CNTN6: variants seen among roughly 807,000 people sequenced by gnomAD.
CNTN6 encodes contactin 6, also known as contactin-6.
Under a neutral mutation model 122.8 loss-of-function variants are expected in CNTN6, and 137 were observed. That is an observed-to-expected ratio of 1.12 (90% CI 0.97 to 1.29). The LOEUF is 1.29. CNTN6 is among the 50% of genes most tolerant of loss of function. The pLI is 0.00. For missense variants in CNTN6, 1,634 were observed against 1,223.4 expected (o/e 1.34, Z -5.01); for synonymous variants, 570 against 426.0 (o/e 1.34, Z -4.16).
intron 1 of CNTN6, among the ~76,000 whole-genome samples, chr3:1,098,064 T>G (rs1251826444): frequency 2.1e-5 from 3 of 140,680 alleles, no homozygotes; most frequent in South Asian, 2.3e-4. Flanking sequence ...ACCAAGCAAT[T>G]GGACATGATC....
At chr3:1,161,593 C>G (rs1318441124) in intron 2 of CNTN6, among the ~76,000 whole-genome samples, 1 of 151,770 alleles carries the variant, frequency 6.6e-6, no homozygotes, top group Non-Finnish European at 1.5e-5. Context: ...TTTTCAGAGA[C>G]ATGGTTGTTA....
chr3:1,109,700 T>A (rs1293094915), intron 1 of CNTN6, among the ~76,000 whole-genome samples: 1 of 151,794 alleles, frequency 6.6e-6, no homozygotes, highest in Non-Finnish European at 1.5e-5. Context: ...TTTTTTATTC[T>A]TCTATTTTTA....
rs765618461 is a variant in CNTN6 at position 1,227,375 on chromosome 3, G to A, written c.183-443G>A. Among the ~76,000 whole-genome samples, 9 of 152,244 alleles carry A rather than the reference G, an allele frequency of 5.9e-5. No homozygotes were observed. In the South Asian group the frequency reaches 8.3e-4, roughly 14 times the overall value. On this transcript the variant is annotated intron_variant, in intron 3 of 22. Transcript: ENST00000446702. ...GTTTTGTTATCAGCCCTGAATTGGC[G>A]TTGTAAAATTATGCTTGCCGCTTTC...
At chr3:1,232,650 G>A (rs554711420) in intron 4 of CNTN6, among the ~76,000 whole-genome samples, 8 of 152,290 alleles carry the variant, frequency 5.3e-5, no homozygotes, top group East Asian at 3.9e-4. Context: ...ATCACACACC[G>A]TATGTGGGAG....
At chr3:1,231,285 T>C (rs532916463) in intron 4 of CNTN6, among the ~76,000 whole-genome samples, 31 of 152,192 alleles carry the variant, frequency 2.0e-4, no homozygotes, top group Non-Finnish European at 4.0e-4. Context: ...CTCCCATAGA[T>C]AAGAACAAGC....
intron 17 of CNTN6, among the ~76,000 whole-genome samples, chr3:1,378,949 T>C (rs1230045510): frequency 6.6e-6 from 1 of 152,184 alleles, no homozygotes; most frequent in Admixed American, 6.6e-5. Context: ...GACTTTCAAA[T>C]GAGTCTACAA....
chr3:1,255,619 C>T (rs892767781), intron 4 of CNTN6, among the ~76,000 whole-genome samples: 11 of 151,836 alleles, frequency 7.2e-5, no homozygotes, highest in South Asian at 2.1e-4. Flanking sequence ...TAATTGATGA[C>T]GTTACCTAAT....
intron 7 of CNTN6, among the ~76,000 whole-genome samples, chr3:1,304,477 T>C (rs1251182705): frequency 6.6e-6 from 1 of 152,218 alleles, no homozygotes; most frequent in Non-Finnish European, 1.5e-5. Context: ...TTCATATTTA[T>C]ATTGAATTAA....
At chr3:1,257,661 T>C (rs2094781528) in intron 4 of CNTN6, among the ~76,000 whole-genome samples, 2 of 152,092 alleles carry the variant, frequency 1.3e-5, no homozygotes, top group Admixed American at 6.6e-5. Context: ...TACAATATAG[T>C]AGTTAAGAGT....
Position 1,371,062 on chromosome 3 carries a change from C to T in CNTN6, c.1493-1237C>T, listed in dbSNP as rs567676325. 2.0e-5 allele frequency among the ~76,000 whole-genome samples: 3 copies of T among 152,072 alleles called. No individual in the cohort carries two copies. The South Asian group carries it at 6.2e-4, about 32-fold the overall frequency. On this transcript the variant is annotated intron_variant, in intron 12 of 22. Coordinates refer to ENST00000446702, the MANE Select transcript of CNTN6 (RefSeq NM_001289080.2). ...ACCCCAAATTATTACTTCCTACTTT[C>T]TACTTCTAAATATTTATGAATGAAG...
Position 1,341,580 on chromosome 3 carries a change from T to C in CNTN6, c.1365-10744T>C, listed in dbSNP as rs556435607. Among the ~76,000 whole-genome samples the C allele has an allele frequency of 1.5e-4, 23 of 152,318 alleles. No individual in the cohort carries two copies. The South Asian group carries it at 4.8e-3, about 32-fold the overall frequency. On this transcript the variant is annotated intron_variant, in intron 11 of 22. Transcript: ENST00000446702. The stretch of plus-strand genomic sequence containing the variant: ...CATGGCACCAAATAATTACGCTATT[T>C]AGCAACTGCTCTTACCTACCATCTC...
chr3:1,100,359 C>A (rs553402087), intron 1 of CNTN6, among the ~76,000 whole-genome samples: 1 of 152,108 alleles, frequency 6.6e-6, no homozygotes, highest in South Asian at 2.1e-4. Flanking sequence ...TAATTTTGCT[C>A]ATGAGGGGAC....
rs116545290 is a variant in CNTN6, at chr3:1,316,424, T to C, written c.762-5226T>C. Reference sequence around the variant, plus strand: ...AGGAAGAGAGAGAGAGGGAAGGTGCTACACACCTTTAAACAACCATATCTC... The same window carrying C: ...AGGAAGAGAGAGAGAGGGAAGGTGCCACACACCTTTAAACAACCATATCTC... On this transcript the variant is annotated intron_variant, in intron 7 of 22. Transcript: ENST00000446702. Among the ~76,000 whole-genome samples the C allele has an allele frequency of 3.1e-3, 466 of 151,862 alleles. 4 individuals are homozygous for C. The highest frequency in any genetic ancestry group is 0.011 in the African/African-American group (442 of 41,474).
intron 7 of CNTN6, among the ~76,000 whole-genome samples, chr3:1,316,772 G>A (rs540438515): frequency 2.0e-5 from 3 of 151,720 alleles, no homozygotes; most frequent in African/African-American, 7.2e-5. Flanking sequence ...GGAAAAATAC[G>A]CTTACATTAA....
chr3:1,278,054 A>T (rs6442317), intron 4 of CNTN6, among the ~76,000 whole-genome samples: 2 of 152,136 alleles, frequency 1.3e-5, no homozygotes, highest in South Asian at 2.1e-4. Context: ...AGATGTTGGA[A>T]GACTGCAGCA....
chr3:1,366,979 T>C (rs866978746), intron 12 of CNTN6, among the ~76,000 whole-genome samples: 4 of 152,208 alleles, frequency 2.6e-5, no homozygotes, highest in Admixed American at 1.3e-4. Flanking sequence ...CTCTGCTTCA[T>C]ACTTCCAAAG....
intron 11 of CNTN6, among the ~76,000 whole-genome samples, chr3:1,351,120 A>G (rs1705565130): frequency 6.6e-6 from 1 of 151,946 alleles, no homozygotes; most frequent in South Asian, 2.1e-4. Context: ...CACTGATAAC[A>G]GAATTTGGAA....
chr3:1,195,651 C>T (rs1418569179), intron 2 of CNTN6, among the ~76,000 whole-genome samples: 2 of 152,142 alleles, frequency 1.3e-5, no homozygotes, highest in Admixed American at 1.3e-4. Flanking sequence ...TTTGTTTAGG[C>T]TCCACCTGAT....
At chr3:1,131,411 G>A (rs1243637238) in intron 1 of CNTN6, among the ~76,000 whole-genome samples, 2 of 42,550 alleles carry the variant, frequency 4.7e-5, no homozygotes, top group African/African-American at 1.9e-4. Context: ...AGGCTGCTTA[G>A]GGGGTTGCTC....
Sources: gnomAD v4.1 joint callset for allele counts (sites outside exome capture counted in the v4.1 genomes callset) on GRCh38, gnomAD v4.1.1 for gene constraint, MANE v1.5 for transcripts, NCBI Gene and HGNC (gene_info 2026-07-23, HGNC 2026-07-21) for gene names.